Variants in CLINT1 observed in about 807,000 individuals in gnomAD.
CLINT1 encodes the protein clathrin interacting protein localized in the trans-Golgi region.
In CLINT1, 15 loss-of-function variants were observed where a neutral mutation model predicts 70.4. The observed-to-expected ratio is 0.21, with a 90% CI of 0.14 to 0.33. The LOEUF (loss-of-function observed/expected upper bound fraction) is 0.33, where lower values mean the gene tolerates loss of function less well. Among genes scored for constraint, CLINT1 ranks in the 10% least tolerant of loss-of-function variants. The pLI is 1.00. For synonymous variants in CLINT1, 227 were observed against 254.7 expected, an observed-to-expected ratio of 0.89 and a Z score of 1.04; for missense variants, 615 against 778.1, an observed-to-expected ratio of 0.79 and a Z score of 2.49.
intron 1 of CLINT1, among the ~76,000 whole-genome samples, chr5:157,827,809 G>C (rs1763086381): frequency 6.6e-6 from 1 of 152,104 alleles, no homozygotes; most frequent in Non-Finnish European, 1.5e-5. Flanking sequence ...TGTTCCAAAA[G>C]ACAAGGCCAT....
rs556139995 is a variant in CLINT1, at chr5:157,850,690, G to A, written c.41+8240C>T. ...CAAATTAAGACATGTAGTTTCAACC[G>A]TATAACCTAAGTCACTTTAAAAAGT... On this transcript the variant is annotated intron_variant, in intron 1 of 11. Transcript: ENST00000411809. Among the ~76,000 whole-genome samples the A allele has an allele frequency of 2.0e-3, 307 of 150,084 alleles. 2 individuals are homozygous for A. The highest frequency in any genetic ancestry group is 0.013 in the South Asian group (61 of 4,736).
chr5:157,854,374 A>G (rs971646728), intron 1 of CLINT1, among the ~76,000 whole-genome samples: 7 of 152,124 alleles, frequency 4.6e-5, no homozygotes, highest in Non-Finnish European at 1.0e-4. Context: ...GCCTGAGCCC[A>G]GGAGTTCAAG....
In CLINT1 at chr5:157,827,361, T is replaced by C. The variant is rs1414388017; in HGVS notation, c.42-9814A>G. Among the ~76,000 whole-genome samples the C allele has an allele frequency of 3.9e-5, 6 of 152,280 alleles. No homozygotes were observed. In the South Asian group the frequency reaches 1.0e-3, roughly 26 times the overall value. On this transcript the variant is annotated intron_variant, in intron 1 of 11. Coordinates refer to ENST00000411809, the MANE Select transcript of CLINT1 (RefSeq NM_014666.4). ...CCATTTTATATAAAAGGTCATTAAA[T>C]GTTTATAGTCCAACATAAAGTCTTT...
intron 3 of CLINT1, 121 bp from the exon 4 acceptor site, chr5:157,814,414 T>A (rs1279389402): frequency 1.5e-6 from 1 of 670,804 alleles, no homozygotes; most frequent in East Asian, 2.7e-5. Flanking sequence ...GGTGGTGAGG[T>A]TTCTTTACAT....
At chr5:157,848,067 A>G (rs890175723) in intron 1 of CLINT1, among the ~76,000 whole-genome samples, 1 of 152,180 alleles carries the variant, frequency 6.6e-6, no homozygotes, top group Non-Finnish European at 1.5e-5. Context: ...TTGAACTCCC[A>G]AAGTACTGGG....
At chr5:157,847,618 A>G (rs1236193172) in intron 1 of CLINT1, among the ~76,000 whole-genome samples, 22 of 152,196 alleles carry the variant, frequency 1.4e-4, no homozygotes, top group Non-Finnish European at 3.2e-4. Context: ...GACTTCAGTG[A>G]CGGACGTCAC....
At position 157,787,519 on chromosome 5, in the gene CLINT1, GTTCT is replaced by G; in HGVS notation, c.*123_*126del. On this transcript the variant is annotated 3_prime_UTR_variant, in exon 12 of 12. Transcript: ENST00000411809. ...TCACTTTTATAAAACAGCCTTTTTG[GTTCT>G]TTATGTAGATTTATTTTAATTACTT... 3.5e-6 allele frequency: 3 copies of G among 850,188 alleles called. No individual in the cohort carries two copies. Among genetic ancestry groups the G allele is most frequent in the African/African-American group, 1.7e-5 (1 of 58,888 alleles). 52.7% of individuals were successfully genotyped at this position (850,188 alleles called of 1,614,324 possible).
At chr5:157,840,219 AAAG>A (rs1262177744) in intron 1 of CLINT1, among the ~76,000 whole-genome samples, 1 of 149,068 alleles carries the variant, frequency 6.7e-6, no homozygotes, top group Non-Finnish European at 1.5e-5. Context: ...AAAAAGGAAA[AAAG>A]AGAAGAAGAA....
intron 11 of CLINT1, among the ~76,000 whole-genome samples, chr5:157,788,243 AAAACATTCCTACAAAAC>A (rs1301906185): frequency 2.0e-5 from 3 of 152,200 alleles, no homozygotes; most frequent in Non-Finnish European, 2.9e-5. Context: ...AGCCAACTTA[AAAACATTCCTACAAAAC>A]CTATTGTTAA....
chr5:157,791,383 A>T lies in CLINT1; in HGVS notation c.1380+320T>A, dbSNP rs150607049. 3.0e-3 allele frequency among the ~76,000 whole-genome samples: 461 copies of T among 152,256 alleles called. 5 individuals carry two copies. The highest frequency in any genetic ancestry group is 0.01 in the African/African-American group (430 of 41,552). Reference sequence around the variant, plus strand: ...TATTTCTTTTTCTTAAAGACAATTTAAAAAAACTATCAAGTACCAATTTGT... The same window carrying T: ...TATTTCTTTTTCTTAAAGACAATTTTAAAAAACTATCAAGTACCAATTTGT... On this transcript the variant is annotated intron_variant, in intron 10 of 11. Transcript: ENST00000411809.
chr5:157,835,113 T>C (rs868064778), intron 1 of CLINT1, among the ~76,000 whole-genome samples: 51 of 152,178 alleles, frequency 3.4e-4, no homozygotes, highest in Non-Finnish European at 6.3e-4. Flanking sequence ...CTATAATCTA[T>C]TTGGTGCAAC....
chr5:157,813,591 AAAG>A (rs964573364), intron 4 of CLINT1, among the ~76,000 whole-genome samples: 9 of 152,244 alleles, frequency 5.9e-5, no homozygotes, highest in African/African-American at 1.7e-4. Context: ...AAACAAATCA[AAAG>A]AAGAACCACT....
intron 1 of CLINT1, among the ~76,000 whole-genome samples, chr5:157,844,502 C>T (rs971138016): frequency 3.3e-5 from 5 of 152,128 alleles, no homozygotes; most frequent in African/African-American, 1.2e-4. Context: ...TTAATAAGCA[C>T]TCAGTGAAGG....
Position 157,859,044 on chromosome 5 carries a change from G to T in CLINT1, c.-74C>A. 2 of 1,552,428 alleles carry T rather than the reference G, an allele frequency of 1.3e-6. No homozygotes were observed. The highest frequency in any genetic ancestry group is 8.8e-7 in the Non-Finnish European group (1 of 1,138,324). On this transcript the variant is annotated 5_prime_UTR_variant, in exon 1 of 12. Coordinates refer to ENST00000411809, the MANE Select transcript of CLINT1 (RefSeq NM_014666.4). ...GACCCCGGAACACTTCCGTACCGGG[G>T]CAGTTCCAGGCCGGGGTCACCGCCG...
chr5:157,851,025 C>CAAGAGATCTT (rs1168128929), intron 1 of CLINT1, among the ~76,000 whole-genome samples: 17 of 152,240 alleles, frequency 1.1e-4, no homozygotes, highest in African/African-American at 3.4e-4. Context: ...CTACTGGGCT[C>CAAGAGATCTT]AAGAGATCTT....
At chr5:157,829,033 C>T (rs763708883) in intron 1 of CLINT1, among the ~76,000 whole-genome samples, 31 of 151,684 alleles carry the variant, frequency 2.0e-4, no homozygotes, top group Admixed American at 3.3e-4. Context: ...ACCCGGGAAG[C>T]GGAGGTTGCA....
intron 1 of CLINT1, among the ~76,000 whole-genome samples, chr5:157,833,666 G>A (rs976039146): frequency 2.6e-5 from 4 of 152,174 alleles, no homozygotes; most frequent in East Asian, 1.9e-4. Flanking sequence ...GTATCAGACC[G>A]GTGTGGCAGC....
chr5:157,793,601 TA>T (rs1045857258), intron 9 of CLINT1, among the ~76,000 whole-genome samples: 42 of 152,302 alleles, frequency 2.8e-4, no homozygotes, highest in African/African-American at 1.0e-3. Context: ...TTTATATACA[TA>T]AAAACTTTGA....
At chr5:157,844,000 T>C (rs1017359961) in intron 1 of CLINT1, among the ~76,000 whole-genome samples, 1 of 152,146 alleles carries the variant, frequency 6.6e-6, no homozygotes, top group African/African-American at 2.4e-5. Flanking sequence ...AATGATAAAA[T>C]GAAAAATCCT....
Sources: allele counts gnomAD v4.1 joint callset (sites outside exome capture counted in the v4.1 genomes callset), GRCh38; gene constraint gnomAD v4.1.1; transcripts MANE v1.5; gene names NCBI Gene and HGNC (gene_info 2026-07-23, HGNC 2026-07-21).